PLCB1: variants seen among roughly 807,000 people sequenced by gnomAD.
The protein encoded by PLCB1 is phospholipase C beta 1, also known as 1-phosphatidylinositol 4,5-bisphosphate phosphodiesterase beta-1.
Under a neutral mutation model 161.8 loss-of-function variants are expected in PLCB1, and 46 were observed. That is an observed-to-expected ratio of 0.28 (90% CI 0.22 to 0.36). PLCB1 has a LOEUF of 0.36. Ranked by LOEUF, PLCB1 falls within the 10% of genes least tolerant of loss-of-function variation. PLCB1 has a pLI of 1.00. For missense variants in PLCB1, 1,016 were observed against 1,472.5 expected, an observed-to-expected ratio of 0.69 and a Z score of 5.07; for synonymous variants, 517 against 503.7, an observed-to-expected ratio of 1.03 and a Z score of -0.35.
At chr20:8,287,553 G>C (rs899856987) in intron 2 of PLCB1, among the ~76,000 whole-genome samples, 2 of 152,128 alleles carry the variant, frequency 1.3e-5, no homozygotes, top group African/African-American at 4.8e-5. Context: ...CTCAGTACCA[G>C]TCCCCTGGGA....
chr20:8,859,555 T>A (rs976236662), intron 31 of PLCB1, among the ~76,000 whole-genome samples: 1 of 152,176 alleles, frequency 6.6e-6, no homozygotes, highest in Non-Finnish European at 1.5e-5. Flanking sequence ...GCATCATGGT[T>A]AGCTTTTGAA....
At chr20:8,555,863 A>C (rs1218767361) in intron 3 of PLCB1, among the ~76,000 whole-genome samples, 2 of 152,114 alleles carry the variant, frequency 1.3e-5, no homozygotes, top group Admixed American at 6.6e-5. Flanking sequence ...AATTCTTATC[A>C]ATAAAGATGG....
chr20:8,254,933 A>T (rs1161088417), intron 2 of PLCB1, among the ~76,000 whole-genome samples: 2 of 152,074 alleles, frequency 1.3e-5, no homozygotes, highest in African/African-American at 4.8e-5. Flanking sequence ...GAAGTAATAT[A>T]TTTGAAAAAT....
intron 27 of PLCB1, among the ~76,000 whole-genome samples, chr20:8,783,281 T>C (rs1454150356): frequency 6.6e-6 from 1 of 152,258 alleles, no homozygotes; most frequent in African/African-American, 2.4e-5. Context: ...TTTTGCTTCT[T>C]CTCTACCTTT....
chr20:8,150,446 A>G (rs2051498414), intron 2 of PLCB1, 75 bp downstream of exon 2: 2 of 593,846 alleles, frequency 3.4e-6, no homozygotes, highest in Non-Finnish European at 6.0e-6. Flanking sequence ...TATCTTATCT[A>G]TAGAAGAACA....
At chr20:8,484,713 A>T (rs556071178) in intron 3 of PLCB1, among the ~76,000 whole-genome samples, 201 of 152,212 alleles carry the variant, frequency 1.3e-3, no homozygotes, top group African/African-American at 4.6e-3. Context: ...CTCCTTGACC[A>T]CCTTGTCTGA....
At chr20:8,589,847 G>A (rs73598289) in intron 3 of PLCB1, among the ~76,000 whole-genome samples, 3 of 151,772 alleles carry the variant, frequency 2.0e-5, no homozygotes, top group African/African-American at 7.3e-5. Flanking sequence ...TCAAACTCTT[G>A]GCCTCAAGTG....
At chr20:8,445,049 A>T (rs1231826499) in intron 3 of PLCB1, among the ~76,000 whole-genome samples, 1 of 152,080 alleles carries the variant, frequency 6.6e-6, no homozygotes, top group Non-Finnish European at 1.5e-5. Context: ...TCTTTAGTTT[A>T]ATTAGATCCC....
intron 3 of PLCB1, among the ~76,000 whole-genome samples, chr20:8,530,739 G>A (rs1984781775): frequency 6.6e-6 from 1 of 151,964 alleles, no homozygotes; most frequent in Non-Finnish European, 1.5e-5. Context: ...AGTCTGATTT[G>A]TCCATTATTA....
At chr20:8,201,115 C>T (rs1018066096) in intron 2 of PLCB1, among the ~76,000 whole-genome samples, 8 of 152,104 alleles carry the variant, frequency 5.3e-5, no homozygotes, top group African/African-American at 1.9e-4. Context: ...AAGATAATAC[C>T]ACTTCATAGA....
At chr20:8,844,291 G>T (rs973269379) in intron 31 of PLCB1, among the ~76,000 whole-genome samples, 3 of 152,194 alleles carry the variant, frequency 2.0e-5, no homozygotes, top group Non-Finnish European at 2.9e-5. Flanking sequence ...AGTCCATTTG[G>T]TGAGGGTTTG....
At chr20:8,138,508 T>C (rs1600191217) in intron 1 of PLCB1, among the ~76,000 whole-genome samples, 1 of 152,350 alleles carries the variant, frequency 6.6e-6, no homozygotes, top group East Asian at 1.9e-4. Context: ...ATTAGGTTCA[T>C]GCAACCTTTC....
chr20:8,347,131 A>G (rs944186959), intron 2 of PLCB1, among the ~76,000 whole-genome samples: 1 of 152,240 alleles, frequency 6.6e-6, no homozygotes, highest in African/African-American at 2.4e-5. Context: ...TCCTGTATAA[A>G]GCTATAAACA....
intron 3 of PLCB1, among the ~76,000 whole-genome samples, chr20:8,406,024 T>C (rs989206484): frequency 2.0e-5 from 3 of 152,040 alleles, no homozygotes; most frequent in Non-Finnish European, 4.4e-5. Flanking sequence ...CTTTTTTTTT[T>C]TGATAGCTGC....
chr20:8,704,666 C>T (rs1405147540), intron 11 of PLCB1, among the ~76,000 whole-genome samples: 1 of 152,168 alleles, frequency 6.6e-6, no homozygotes, highest in Non-Finnish European at 1.5e-5. Context: ...GGGACACAGC[C>T]ACATCCAATT....
At position 8,343,325 on chromosome 20, in the gene PLCB1, G is replaced by C. The variant is rs571803498; in HGVS notation, c.178-28057G>C. Among the ~76,000 whole-genome samples, 6 of 152,284 alleles carry C rather than the reference G, an allele frequency of 3.9e-5. 1 individual carries two copies. In the South Asian group the frequency reaches 1.2e-3, roughly 32 times the overall value. Reference sequence around the variant, plus strand: ...GGCAGAGGAGGCCTCAAAATCCCCTGTAGGCATGTGAAAACACAGATCTCT... The same window carrying C: ...GGCAGAGGAGGCCTCAAAATCCCCTCTAGGCATGTGAAAACACAGATCTCT... On this transcript the variant is annotated intron_variant, in intron 2 of 31. Coordinates refer to ENST00000338037, the MANE Select transcript of PLCB1 (RefSeq NM_015192.4).
In PLCB1 at chr20:8,788,642, A is replaced by G; in HGVS notation, c.3198A>G (p.Lys1066=). ...TCCATTGTGACTTCAGAGAAAAGAA[A>G]GAATTAAAGAAGAAAATGGATAAAA... ...KLKEICEKEK[K]ELKKKMDKKR... Residue 1066 remains lysine, a synonymous_variant, in exon 29 of 32, where the codon AAA becomes AAG. Transcript: ENST00000338037. The G allele has an allele frequency of 6.2e-7, 1 of 1,607,806 alleles. No individual in the cohort carries two copies. Among genetic ancestry groups the G allele is most frequent in the Non-Finnish European group, 8.5e-7 (1 of 1,177,134 alleles).
intron 2 of PLCB1, among the ~76,000 whole-genome samples, chr20:8,308,513 A>T (rs1052758663): frequency 6.7e-6 from 1 of 149,008 alleles, no homozygotes; most frequent in African/African-American, 2.5e-5. Flanking sequence ...GCTACTCGGG[A>T]GGCTGAGGTA....
At position 8,765,168 on chromosome 20, in the gene PLCB1, A is replaced by G; in HGVS notation, c.2740A>G (p.Lys914Glu). ...GGAAGCACAGACCATCGAAGAACTA[A>G]AGCAACAGAAATCGTTTGTGAAACT... is the stretch of plus-strand genomic sequence containing the variant. The part of the protein sequence containing the change: ...EVEAQTIEEL[K>E]QQKSFVKLQK... Residue 914 changes from lysine (K) to glutamate (E), a missense_variant, in exon 26 of 32, where the codon AAG becomes GAG. This residue lies in a region of PLCB1 where 398 missense variants were observed against 445.4 expected (regional missense o/e 0.89). Coordinates refer to ENST00000338037, the MANE Select transcript of PLCB1 (RefSeq NM_015192.4). 2 of 1,613,948 alleles carry G rather than the reference A, an allele frequency of 1.2e-6. No homozygotes were observed. The highest frequency in any genetic ancestry group is 2.2e-5 in the South Asian group (2 of 91,030).
Sources: gnomAD v4.1 joint callset for allele counts (sites outside exome capture counted in the v4.1 genomes callset) on GRCh38, gnomAD v4.1.1 for gene constraint, gnomAD v4.1.1 regional missense constraint, MANE v1.5 for transcripts, NCBI Gene and HGNC (gene_info 2026-07-23, HGNC 2026-07-21) for gene names.